The following MGA variants were observed in gnomAD, a reference collection of about 807,000 sequenced individuals.
The protein encoded by MGA is MAX gene-associated protein.
MGA carries 40 observed loss-of-function variants against 261.1 expected under a neutral mutation model. The ratio of observed to expected loss-of-function variants is 0.15; its 90% CI spans 0.12 to 0.20. MGA has a LOEUF of 0.20. Among genes scored for constraint, MGA ranks in the 10% least tolerant of loss-of-function variants. The pLI, the probability that MGA is intolerant of heterozygous loss-of-function variation, is 1.00. For synonymous variants in MGA, 1,302 were observed against 1,290.6 expected (o/e 1.01, Z -0.19); for missense variants, 3,397 against 3,630.5 (o/e 0.94, Z 1.65).
chr15:41,697,422 T>TC (rs1003184482), intron 3 of MGA, among the ~76,000 whole-genome samples: 11 of 149,384 alleles, frequency 7.4e-5, no homozygotes, highest in African/African-American at 2.4e-4. Flanking sequence ...TCTTTTCTTT[T>TC]TTTTTTTTTT....
chr15:41,749,326 C>T lies in MGA; in HGVS notation c.5719C>T (p.Pro1907Ser), dbSNP rs778748392. ...TACATTGACCCTGAGGATTTCTCCT[C>T]CTGAACCACAAAGCTTTGCAAGTAA... is the stretch of plus-strand genomic sequence containing the variant. The change falls in exon 17 of 24, where the codon CCT becomes TCT. Residue 1907 changes from proline (P) to serine (S), a missense_variant. Transcript: ENST00000219905. 2 of 1,613,996 alleles carry T rather than the reference C, an allele frequency of 1.2e-6. No homozygotes were observed. Among genetic ancestry groups the T allele is most frequent in the Non-Finnish European group, 8.5e-7 (1 of 1,179,884 alleles).
chr15:41,629,105 C>CAAAAA (rs71108108), intron 1 of MGA, among the ~76,000 whole-genome samples: 9 of 77,994 alleles, frequency 1.2e-4, no homozygotes, highest in South Asian at 4.2e-4. Flanking sequence ...GACTTCGTCT[C>CAAAAA]AAAAAAAAAA....
chr15:41,759,826 A>G (rs1454084005), intron 19 of MGA, among the ~76,000 whole-genome samples: 1 of 152,136 alleles, frequency 6.6e-6, no homozygotes, highest in Non-Finnish European at 1.5e-5. Context: ...AGCCTGTGTA[A>G]TGTCAGGGAG....
At chr15:41,663,029 ACTAT>A (rs759056949) in intron 1 of MGA, among the ~76,000 whole-genome samples, 24 of 152,286 alleles carry the variant, frequency 1.6e-4, no homozygotes, top group Admixed American at 1.1e-3. Context: ...GAATTAGGAA[ACTAT>A]CTAGTAAAAC....
chr15:41,657,758 T>C (rs959651167), upstream of MGA, among the ~76,000 whole-genome samples: 8 of 152,198 alleles, frequency 5.3e-5, no homozygotes, highest in South Asian at 2.1e-4. Flanking sequence ...CTTTATTATA[T>C]TGATATTTTA....
chr15:41,675,629 A>G (rs1420651578), intron 2 of MGA, among the ~76,000 whole-genome samples: 1 of 152,126 alleles, frequency 6.6e-6, no homozygotes, highest in Non-Finnish European at 1.5e-5. Flanking sequence ...CTCCTACCTC[A>G]GCCTCTGAAA....
rs536976777 is a variant in MGA at position 41,635,559 on chromosome 15, G to A, written c.-68+14261G>A. ...AAATTTTAAAAAATTAGCTGAGTAC[G>A]ATGGCATGTGCCTGTGGGCCCAGGT... On this transcript the variant is annotated intron_variant, in intron 1 of 8. Coordinates refer to the MGA transcript ENST00000566718. 5.8e-4 allele frequency among the ~76,000 whole-genome samples: 88 copies of A among 152,012 alleles called. 1 individual carries two copies. Among genetic ancestry groups the A allele is most frequent in the Middle Eastern group, 3.4e-3 (1 of 294 alleles).
chr15:41,748,255 A>G (rs1469772557), intron 15 of MGA, among the ~76,000 whole-genome samples: 2 of 81,518 alleles, frequency 2.5e-5, no homozygotes, highest in African/African-American at 8.0e-5. Flanking sequence ...TGCCTCTTTA[A>G]AAAAAAAAAA....
At chr15:41,676,814 A>T (rs2058407874) in intron 2 of MGA, among the ~76,000 whole-genome samples, 1 of 152,218 alleles carries the variant, frequency 6.6e-6, no homozygotes, top group South Asian at 2.1e-4. Flanking sequence ...ATATTCTAAA[A>T]GGTTATAACC....
intron 2 of MGA, among the ~76,000 whole-genome samples, chr15:41,691,889 G>T (rs2059310006): frequency 6.6e-6 from 1 of 151,460 alleles, no homozygotes; most frequent in Non-Finnish European, 1.5e-5. Context: ...ACCTTGATGT[G>T]CCTAGATATG....
chr15:41,727,072 A>C, intron 9 of MGA, 108 bp from the exon 10 acceptor site: 1 of 759,656 alleles, frequency 1.3e-6, no homozygotes, highest in Non-Finnish European at 2.1e-6. Flanking sequence ...TGATTATTTT[A>C]ACGAGTTACT....
intron 13 of MGA, among the ~76,000 whole-genome samples, chr15:41,739,311 C>A (rs1383215299): frequency 1.3e-5 from 2 of 152,094 alleles, no homozygotes; most frequent in East Asian, 3.8e-4. Context: ...TCAGTTTGAA[C>A]CCATGTTTTA....
intron 11 of MGA, among the ~76,000 whole-genome samples, chr15:41,731,893 A>G (rs968092581): frequency 6.6e-6 from 1 of 152,208 alleles, no homozygotes; most frequent in Non-Finnish European, 1.5e-5. Flanking sequence ...GGGCAATTAT[A>G]CATTCTCCCA....
chr15:41,698,922 A>G lies in MGA; in HGVS notation c.2073A>G (p.Ala691=), dbSNP rs1385567291. Residue 691 remains alanine, a synonymous_variant, in exon 4 of 24, where the codon GCA becomes GCG. Transcript: ENST00000219905. ...CAGAAGAATCTTCTAGTCTCCAGGCATCAACCACAAATGACTCAGGTATTA... is the reference window on the plus strand; with the variant it reads ...CAGAAGAATCTTCTAGTCTCCAGGCGTCAACCACAAATGACTCAGGTATTA... The G allele has an allele frequency of 1.9e-5, 30 of 1,550,754 alleles. No homozygotes were observed. Among genetic ancestry groups the G allele is most frequent in the Middle Eastern group, 3.5e-4 (2 of 5,682 alleles).
In MGA at chr15:41,668,871, A is replaced by C; in HGVS notation, c.-24A>C. On this transcript the variant is annotated 5_prime_UTR_variant, in exon 2 of 24. Coordinates refer to ENST00000219905, the MANE Select transcript of MGA (RefSeq NM_001164273.2). ...ACTATGTGGTGATTACAGTTGTCTT[A>C]CTACTGAGTTTCCTACTGAAATCAT... The C allele has an allele frequency of 6.6e-7, 1 of 1,505,684 alleles. No individual in the cohort carries two copies. The highest frequency in any genetic ancestry group is 9.0e-7 in the Non-Finnish European group (1 of 1,115,998). The allele number at this position is 1,505,684 out of a possible 1,614,324, so 93.3% of individuals were successfully genotyped here.
upstream of MGA, among the ~76,000 whole-genome samples, chr15:41,656,377 T>TCTCTCCCTCTCTCTCTCTCA (rs1555403733): frequency 2.9e-5 from 2 of 68,276 alleles, 1 homozygote; most frequent in Non-Finnish European, 6.9e-5. Context: ...TCTCTCTCTC[T>TCTCTCCCTCTCTCTCTCTCA]CACACCCAGG....
rs11389766 is a variant in MGA at position 41,741,346 on chromosome 15, CAAAAAAAAAAA to C, written c.4585+1155_4585+1165del. On this transcript the variant is annotated intron_variant, in intron 14 of 23. Transcript: ENST00000219905. ...TGGTGACAGAGTGAGACTCCATCTC[CAAAAAAAAAAA>C]AAAAAAAAAAAGAATCTATTTTACC... is the stretch of plus-strand genomic sequence containing the variant. Among the ~76,000 whole-genome samples, 360 of 72,342 alleles carry C rather than the reference CAAAAAAAAAAA, an allele frequency of 5.0e-3. 13 individuals are homozygous for C. In the East Asian group the frequency reaches 0.11, roughly 21 times the overall value. The allele number at this position is 72,342 out of a possible 152,430, so 47.5% of individuals were successfully genotyped here.
chr15:41,665,715 A>G (rs1017976610), intron 1 of MGA, among the ~76,000 whole-genome samples: 2 of 152,152 alleles, frequency 1.3e-5, no homozygotes, highest in African/African-American at 2.4e-5. Flanking sequence ...CACATAACAT[A>G]TAATTCATCA....
chr15:41,679,642 T>A (rs138569009), intron 2 of MGA, among the ~76,000 whole-genome samples: 1 of 152,272 alleles, frequency 6.6e-6, no homozygotes, highest in Non-Finnish European at 1.5e-5. Flanking sequence ...GAAATACAAT[T>A]GATTTTTGTG....
Sources: gnomAD v4.1 joint callset for allele counts (sites outside exome capture counted in the v4.1 genomes callset) on GRCh38, gnomAD v4.1.1 for gene constraint, MANE v1.5 for transcripts, NCBI Gene and HGNC (gene_info 2026-07-23, HGNC 2026-07-21) for gene names.